The following BCLAF3 variants were observed in gnomAD, a reference collection of about 807,000 sequenced individuals.
BCLAF3 encodes BCLAF1 and THRAP3 family member 3, also known as transient octamer binding factor 1.
Under a neutral mutation model 51.2 loss-of-function variants are expected in BCLAF3, and 24 were observed. That is an observed-to-expected ratio of 0.47 (90% confidence interval 0.34 to 0.66). The LOEUF (loss-of-function observed/expected upper bound fraction) is 0.66. Ranked by LOEUF, BCLAF3 falls within the 30% of genes least tolerant of loss-of-function variation. The probability of loss-of-function intolerance (pLI) is 0.01; values close to 1 mark genes in which losing one functional copy is unlikely to be tolerated. For missense variants in BCLAF3, 465 were observed against 525.1 expected (o/e 0.89, Z 1.12); for synonymous variants, 152 against 176.6 (o/e 0.86, Z 1.10).
At chrX:19,970,338 C>G in intron 1 of BCLAF3, 40 bp from the exon 2 acceptor site, 2 of 1,140,151 alleles carry the variant, frequency 1.8e-6, no homozygotes, top group South Asian at 3.7e-5. Flanking sequence ...GTAGAAAGAC[C>G]CTACAATTTG....
intron 10 of BCLAF3, among the ~76,000 whole-genome samples, chrX:19,934,159 T>C (rs1300160370): frequency 8.9e-6 from 1 of 112,440 alleles, no homozygotes; most frequent in Non-Finnish European, 1.9e-5. Context: ...ATTCATGTAA[T>C]ATTATATAAC....
At position 19,913,097 on chromosome X, in the gene BCLAF3, G is replaced by A. The variant is rs766356711; in HGVS notation, c.*4208C>T. ...ATTTATTTATTTTCTTTTTTGACAT[G>A]GAGTCTCGCTCTGTCGCCCAGGCTG... On this transcript the variant is annotated 3_prime_UTR_variant, in exon 12 of 12. Transcript: ENST00000379682. The A allele has an allele frequency of 1.2e-3, 129 of 111,551 alleles. No individual in the cohort carries two copies. The highest frequency in any genetic ancestry group is 3.9e-3 in the African/African-American group (120 of 30,696). 9.2% of individuals were successfully genotyped at this position (111,551 alleles called of 1,213,427 possible).
chrX:19,947,518 T>G (rs2147865686), intron 8 of BCLAF3, among the ~76,000 whole-genome samples: 1 of 111,525 alleles, frequency 9.0e-6, no homozygotes, highest in African/African-American at 3.3e-5. Flanking sequence ...ACTTACAGTT[T>G]TTTTTTTTTA....
chrX:19,970,080 G>T (rs947705192), intron 2 of BCLAF3, 144 bp downstream of exon 2: 4 of 512,463 alleles, frequency 7.8e-6, no homozygotes, highest in Non-Finnish European at 1.4e-5. Flanking sequence ...TCAGCTACTA[G>T]AATGTAGAAA....
chrX:19,963,506 A>G (rs1269957750), intron 4 of BCLAF3, among the ~76,000 whole-genome samples: 1 of 112,135 alleles, frequency 8.9e-6, no homozygotes, highest in African/African-American at 3.2e-5. Context: ...ATATACATAG[A>G]AAAATAACTA....
chrX:19,935,795 A>G lies in BCLAF3; in HGVS notation c.1950+14T>C, dbSNP rs756733212. ...AACCAAAGCTGGAATTAAATGGAAA[A>G]CAACACTCAATACCTTAAAAGGTCT... On this transcript the variant is annotated intron_variant, in intron 10 of 11. Coordinates refer to ENST00000379682, the MANE Select transcript of BCLAF3 (RefSeq NM_001367774.2). The G allele has an allele frequency of 1.7e-6, 2 of 1,179,850 alleles. No homozygotes were observed. Among genetic ancestry groups the G allele is most frequent in the Non-Finnish European group, 2.3e-6 (2 of 867,518 alleles).
intron 1 of BCLAF3, among the ~76,000 whole-genome samples, chrX:19,973,977 T>C (rs1016180301): frequency 8.9e-6 from 1 of 111,834 alleles, no homozygotes; most frequent in South Asian, 3.7e-4. Context: ...TGTGTGAAAA[T>C]GGGAACTCTC....
intron 1 of BCLAF3, among the ~76,000 whole-genome samples, chrX:19,986,211 C>T (rs1333819221): frequency 2.7e-5 from 3 of 110,956 alleles, no homozygotes; most frequent in Non-Finnish European, 5.7e-5. Context: ...AATTTGAAAA[C>T]CCAGATGAAA....
intron 11 of BCLAF3, among the ~76,000 whole-genome samples, chrX:19,917,661 T>C (rs2069977465): frequency 1.8e-5 from 2 of 112,039 alleles, no homozygotes; most frequent in South Asian, 3.7e-4. Flanking sequence ...TCTTAAACCT[T>C]TGGCTCTCAA....
At chrX:19,928,589 A>G (rs1415305891) in intron 11 of BCLAF3, among the ~76,000 whole-genome samples, 1 of 111,688 alleles carries the variant, frequency 9.0e-6, no homozygotes, top group Non-Finnish European at 1.9e-5. Flanking sequence ...GTCTCAAAAA[A>G]TTAAAAACTT....
intron 1 of BCLAF3, among the ~76,000 whole-genome samples, chrX:19,977,826 CT>C (rs2072476968): frequency 9.0e-6 from 1 of 111,558 alleles, no homozygotes; most frequent in East Asian, 2.8e-4. Context: ...TTGTTAGGGG[CT>C]AATGCAGCTA....
chrX:19,968,513 C>T (rs1197699441), intron 2 of BCLAF3, among the ~76,000 whole-genome samples: 2 of 112,927 alleles, frequency 1.8e-5, no homozygotes, highest in Non-Finnish European at 3.7e-5. Flanking sequence ...ATGGAAAGCT[C>T]GCTGCCTCAC....
At chrX:19,986,615 A>C (rs2072808464) in intron 1 of BCLAF3, among the ~76,000 whole-genome samples, 1 of 111,246 alleles carries the variant, frequency 9.0e-6, no homozygotes, top group South Asian at 3.7e-4. Flanking sequence ...CTGCAGAGAG[A>C]TCAAATAAAA....
chrX:19,985,320 T>C (rs1338477360), intron 1 of BCLAF3, among the ~76,000 whole-genome samples: 1 of 112,221 alleles, frequency 8.9e-6, no homozygotes, highest in African/African-American at 3.2e-5. Flanking sequence ...CACTCACACC[T>C]GTAATCCCAC....
intron 11 of BCLAF3, chrX:19,923,348 T>C: frequency 6.7e-6 from 1 of 150,234 alleles, no homozygotes; most frequent in South Asian, 9.9e-5. Context: ...GAAAGAGAAC[T>C]GGGAGAATTA....
intron 4 of BCLAF3, among the ~76,000 whole-genome samples, chrX:19,956,922 CTTAT>C (rs371041723): frequency 8.9e-6 from 1 of 111,802 alleles, no homozygotes; most frequent in African/African-American, 3.3e-5. Flanking sequence ...CACATATGTA[CTTAT>C]TTATTTAAGT....
In BCLAF3 at chrX:19,966,634, T is replaced by A. The variant is rs1418521798; in HGVS notation, c.57A>T (p.Val19=). The change falls in exon 3 of 12, where the codon GTA becomes GTT. Residue 19 remains valine (V), a synonymous_variant. Coordinates refer to ENST00000379682, the MANE Select transcript of BCLAF3 (RefSeq NM_001367774.2). ...PRWKHRSLSP[V]PRNAEHYKQR... ...GCTTGTAGTGTTCAGCATTTCTAGG[T>A]ACTGGTGATAAAGACCTATGTAAAC... 8.3e-7 allele frequency: 1 copy of A among 1,207,724 alleles called. No homozygotes were observed. The highest frequency in any genetic ancestry group is 2.2e-5 in the Admixed American group (1 of 45,618).
intron 11 of BCLAF3, among the ~76,000 whole-genome samples, chrX:19,926,848 A>C (rs761903152): frequency 4.3e-4 from 48 of 111,890 alleles, no homozygotes; most frequent in Non-Finnish European, 9.4e-5. Context: ...CAGGAAGAGA[A>C]GCAGCATCTC....
chrX:19,986,915 C>A (rs1322952409), intron 1 of BCLAF3, among the ~76,000 whole-genome samples: 2 of 107,656 alleles, frequency 1.9e-5, no homozygotes, highest in African/African-American at 6.8e-5. Context: ...GTGATCCTCT[C>A]GCTTCAGTCT....
Sources: gnomAD v4.1 joint callset for allele counts (sites outside exome capture counted in the v4.1 genomes callset) on GRCh38, gnomAD v4.1.1 for gene constraint, MANE v1.5 for transcripts, NCBI Gene and HGNC (gene_info 2026-07-23, HGNC 2026-07-21) for gene names.